CDH13: variants seen among roughly 807,000 people sequenced by gnomAD.
CDH13 encodes cadherin 13.
CDH13 carries 24 observed loss-of-function variants against 63.8 expected under a neutral mutation model. The observed-to-expected ratio is 0.38, with a 90% CI of 0.27 to 0.53. The LOEUF (loss-of-function observed/expected upper bound fraction) is 0.53, where lower values mean the gene tolerates loss of function less well. Ranked by LOEUF, CDH13 falls within the 20% of genes least tolerant of loss-of-function variation. CDH13 has a pLI of 0.85. For synonymous variants in CDH13, 503 were observed against 355.3 expected, an observed-to-expected ratio of 1.42 and a Z score of -4.67; for missense variants, 1,049 against 903.1, an observed-to-expected ratio of 1.16 and a Z score of -2.07.
At chr16:82,966,386 A>T (rs1047937382) in intron 2 of CDH13, among the ~76,000 whole-genome samples, 42 of 152,038 alleles carry the variant, frequency 2.8e-4, no homozygotes, top group African/African-American at 4.8e-5. Flanking sequence ...TGACCTCGTG[A>T]TCCGCCCACC....
chr16:82,949,149 C>G (rs1034402570), intron 2 of CDH13, among the ~76,000 whole-genome samples: 1 of 152,176 alleles, frequency 6.6e-6, no homozygotes, highest in Non-Finnish European at 1.5e-5. Flanking sequence ...AACTACTTGT[C>G]TCATAGCTCT....
chr16:83,690,767 G>C (rs1904780048), intron 10 of CDH13, among the ~76,000 whole-genome samples: 1 of 152,092 alleles, frequency 6.6e-6, no homozygotes, highest in Non-Finnish European at 1.5e-5. Context: ...TGTCTTTCTG[G>C]CTGGAGTACA....
intron 1 of CDH13, among the ~76,000 whole-genome samples, chr16:82,831,303 A>G (rs1487378560): frequency 6.6e-6 from 1 of 152,118 alleles, no homozygotes; most frequent in Non-Finnish European, 1.5e-5. Context: ...ATCCTTAGCT[A>G]GGTCGGTATC....
chr16:83,692,895 A>G (rs951055679), intron 10 of CDH13, among the ~76,000 whole-genome samples: 1 of 152,170 alleles, frequency 6.6e-6, no homozygotes, highest in African/African-American at 2.4e-5. Context: ...CAACCTGGCC[A>G]ATATGGTGAA....
intron 2 of CDH13, among the ~76,000 whole-genome samples, chr16:82,931,051 C>G (rs2042474441): frequency 6.6e-6 from 1 of 152,180 alleles, no homozygotes; most frequent in African/African-American, 2.4e-5. Context: ...TAATTCCAAA[C>G]AAAGTAGGCA....
intron 10 of CDH13, among the ~76,000 whole-genome samples, chr16:83,718,970 T>C (rs1049484900): frequency 6.6e-5 from 10 of 152,196 alleles, no homozygotes; most frequent in Admixed American, 2.6e-4. Context: ...CAAAGGCCTT[T>C]GGCTGCTGGT....
Position 83,748,360 on chromosome 16 carries a change from G to C in CDH13, c.1681+110G>C, listed in dbSNP as rs931977864. 2.9e-5 allele frequency: 28 copies of C among 974,758 alleles called. 1 individual carries two copies. Among genetic ancestry groups the C allele is most frequent in the South Asian group, 2.2e-4 (12 of 54,196 alleles). 60.4% of individuals were successfully genotyped at this position (974,758 alleles called of 1,614,324 possible). ...AGGGGTGTTCTTGGGAAGAATGTAA[G>C]TGTGTGGGAACAGCAAAGTAAATGT... On this transcript the variant is annotated intron_variant, in intron 11 of 13. Coordinates refer to ENST00000567109, the MANE Select transcript of CDH13 (RefSeq NM_001257.5).
intron 1 of CDH13, among the ~76,000 whole-genome samples, chr16:82,681,497 G>A (rs1335915986): frequency 6.6e-6 from 1 of 152,172 alleles, no homozygotes; most frequent in Non-Finnish European, 1.5e-5. Context: ...TTTGTTTTCT[G>A]ACAATTAAAT....
chr16:82,895,522 C>A (rs546722368), intron 2 of CDH13, among the ~76,000 whole-genome samples: 1 of 152,298 alleles, frequency 6.6e-6, no homozygotes, highest in South Asian at 2.1e-4. Flanking sequence ...CATTGACACA[C>A]AATTACCAAC....
chr16:83,063,193 C>G (rs550884803), intron 3 of CDH13, among the ~76,000 whole-genome samples: 1 of 152,130 alleles, frequency 6.6e-6, no homozygotes, highest in East Asian at 1.9e-4. Context: ...AACTCTTGAA[C>G]TCAGGTGATC....
At chr16:82,772,066 A>G (rs539985189) in intron 1 of CDH13, among the ~76,000 whole-genome samples, 1 of 152,240 alleles carries the variant, frequency 6.6e-6, no homozygotes, top group Non-Finnish European at 1.5e-5. Context: ...GGAAAAAGAC[A>G]CAGATGCCCT....
intron 1 of CDH13, chr16:82,637,814 G>C (rs1908866857): frequency 6.6e-6 from 1 of 152,162 alleles, no homozygotes; most frequent in African/African-American, 2.4e-5. Flanking sequence ...TAAGTGGTGA[G>C]CTGGGATTTG....
chr16:83,749,400 G>C (rs144797560), intron 11 of CDH13, among the ~76,000 whole-genome samples: 171 of 152,242 alleles, frequency 1.1e-3, no homozygotes, highest in African/African-American at 3.8e-3. Flanking sequence ...GGTAGGATTC[G>C]GATGAGTGGC....
rs568362415 is a variant in CDH13 at position 82,811,361 on chromosome 16, A to G, written c.46-47001A>G. ...CTGTGTATATACTTATGTATTTAAT[A>G]ATAGGCTTTGGTGGCAGGTTTAGTA... On this transcript the variant is annotated intron_variant, in intron 1 of 13. Transcript: ENST00000567109. Among the ~76,000 whole-genome samples the G allele has an allele frequency of 2.4e-4, 37 of 152,298 alleles. 1 individual carries two copies. Among genetic ancestry groups the G allele is most frequent in the African/African-American group, 7.7e-4 (32 of 41,578 alleles).
intron 10 of CDH13, among the ~76,000 whole-genome samples, chr16:83,708,666 T>C (rs1164006181): frequency 6.6e-6 from 1 of 152,216 alleles, no homozygotes; most frequent in African/African-American, 2.4e-5. Context: ...TATGATTAGA[T>C]GAAAGGTCTT....
intron 7 of CDH13, among the ~76,000 whole-genome samples, chr16:83,493,349 C>A (rs890897715): frequency 1.3e-5 from 2 of 152,192 alleles, no homozygotes; most frequent in African/African-American, 4.8e-5. Context: ...CTAATCCAGC[C>A]TACAAAATTC....
intron 11 of CDH13, among the ~76,000 whole-genome samples, chr16:83,760,235 T>A (rs1337344105): frequency 6.6e-6 from 1 of 152,170 alleles, no homozygotes; most frequent in Non-Finnish European, 1.5e-5. Flanking sequence ...TGTGAAATAA[T>A]TGGAACTCTC....
chr16:83,091,179 C>T (rs940519735), intron 3 of CDH13, among the ~76,000 whole-genome samples: 2 of 151,932 alleles, frequency 1.3e-5, no homozygotes, highest in African/African-American at 4.8e-5. Context: ...TCTCTCTCTT[C>T]TTCTTTCTTC....
chr16:82,974,974 G>A (rs1212677219), intron 2 of CDH13, among the ~76,000 whole-genome samples: 2 of 152,194 alleles, frequency 1.3e-5, no homozygotes, highest in African/African-American at 2.4e-5. Flanking sequence ...TAATGGCGCT[G>A]GGTCAGTCTC....
Sources: gnomAD v4.1 joint callset for allele counts (sites outside exome capture counted in the v4.1 genomes callset) on GRCh38, gnomAD v4.1.1 for gene constraint, MANE v1.5 for transcripts, NCBI Gene and HGNC (gene_info 2026-07-23, HGNC 2026-07-21) for gene names.